CSMD3: variants seen among roughly 807,000 people sequenced by gnomAD.
CSMD3 encodes the protein CUB and Sushi multiple domains 3.
Under a neutral mutation model 435.2 loss-of-function variants are expected in CSMD3, and 177 were observed. That is an observed-to-expected ratio of 0.41 (90% confidence interval 0.36 to 0.46). The LOEUF is 0.46. Ranked by LOEUF, CSMD3 falls within the 20% of genes least tolerant of loss-of-function variation. CSMD3 has a pLI of 0.34. For synonymous variants in CSMD3, 1,656 were observed against 1,520.5 expected, an observed-to-expected ratio of 1.09 and a Z score of -2.07; for missense variants, 4,265 against 4,504.6, an observed-to-expected ratio of 0.95 and a Z score of 1.52.
At chr8:113,140,037 T>C (rs2091510740) in intron 4 of CSMD3, among the ~76,000 whole-genome samples, 1 of 151,116 alleles carries the variant, frequency 6.6e-6, no homozygotes, top group South Asian at 2.1e-4. Flanking sequence ...AGTGATTCCT[T>C]GACCAAAGAC....
chr8:113,221,466 AT>A (rs200226607), intron 3 of CSMD3, among the ~76,000 whole-genome samples: 2,024 of 151,100 alleles, frequency 0.013, 54 homozygotes, highest in African/African-American at 0.047. Context: ...CTACATGGTT[AT>A]TTTTTTCATG....
chr8:112,231,085 C>A lies in CSMD3; in HGVS notation c.10828+460G>T, dbSNP rs547917115. Among the ~76,000 whole-genome samples the A allele has an allele frequency of 1.3e-3, 191 of 152,274 alleles. 1 individual carries two copies. The highest frequency in any genetic ancestry group is 4.3e-3 in the African/African-American group (177 of 41,566). ...ACATATTTGAAGAGAACCAAGTCCC[C>A]AAAAGGGGCCCATTCCTCAAAGTTA... On this transcript the variant is annotated intron_variant, in intron 69 of 70. Coordinates refer to ENST00000297405, the MANE Select transcript of CSMD3 (RefSeq NM_198123.2).
At position 112,450,401 on chromosome 8, in the gene CSMD3, A is replaced by T. The variant is rs114612983; in HGVS notation, c.5395+22190T>A. On this transcript the variant is annotated intron_variant, in intron 32 of 70. Transcript: ENST00000297405. ...GAAAATAGGGGTTTTAAAAATCTTC[A>T]GATGTTAGTTTTCTAAGAAGACTTT... 8.1e-3 allele frequency among the ~76,000 whole-genome samples: 1,238 copies of T among 152,336 alleles called. 16 individuals are homozygous for T. The highest frequency in any genetic ancestry group is 0.028 in the African/African-American group (1,154 of 41,574).
At chr8:112,957,259 T>C (rs1411915957) in intron 7 of CSMD3, among the ~76,000 whole-genome samples, 2 of 152,248 alleles carry the variant, frequency 1.3e-5, no homozygotes, top group Middle Eastern at 3.4e-3. Flanking sequence ...CTTAGAAAAT[T>C]AACCTGATTT....
chr8:112,288,850 T>C (rs1003144615), intron 57 of CSMD3, among the ~76,000 whole-genome samples: 1 of 152,118 alleles, frequency 6.6e-6, no homozygotes, highest in African/African-American at 2.4e-5. Context: ...AATATTAGGA[T>C]AGATAAATAT....
chr8:112,458,215 C>CACACACACACACACACACACACACA (rs1554579456), intron 32 of CSMD3, among the ~76,000 whole-genome samples: 1 of 150,690 alleles, frequency 6.6e-6, no homozygotes, highest in Non-Finnish European at 1.5e-5. Flanking sequence ...ACACTCACAC[C>CACACACACACACACACACACACACA]CACACACACA....
intron 13 of CSMD3, among the ~76,000 whole-genome samples, chr8:112,778,274 T>G (rs2078294907): frequency 6.6e-6 from 1 of 151,892 alleles, no homozygotes; most frequent in Non-Finnish European, 1.5e-5. Flanking sequence ...TTGTATATTC[T>G]GTGGGTTTTG....
chr8:113,354,962 C>A (rs1042889125), intron 1 of CSMD3, among the ~76,000 whole-genome samples: 8 of 152,036 alleles, frequency 5.3e-5, no homozygotes, highest in African/African-American at 1.9e-4. Flanking sequence ...GTTGATAGTC[C>A]CCATTTTACT....
intron 10 of CSMD3, among the ~76,000 whole-genome samples, chr8:112,884,523 C>A (rs1195333036): frequency 6.6e-6 from 1 of 151,726 alleles, no homozygotes; most frequent in East Asian, 2.0e-4. Context: ...ACATTCCTGT[C>A]TTCTACCCAC....
chr8:113,172,374 T>C (rs1263552471), intron 4 of CSMD3, among the ~76,000 whole-genome samples: 3 of 152,180 alleles, frequency 2.0e-5, no homozygotes, highest in Non-Finnish European at 4.4e-5. Flanking sequence ...TGACAGCTAA[T>C]AGCAGTTATT....
intron 28 of CSMD3, among the ~76,000 whole-genome samples, chr8:112,516,026 G>A (rs1823637688): frequency 6.6e-6 from 1 of 151,968 alleles, no homozygotes; most frequent in African/African-American, 2.4e-5. Context: ...AAATAAATCT[G>A]AATAATTGAT....
At chr8:113,270,167 C>A (rs1169931378) in intron 3 of CSMD3, among the ~76,000 whole-genome samples, 1 of 152,120 alleles carries the variant, frequency 6.6e-6, no homozygotes, top group Non-Finnish European at 1.5e-5. Context: ...ACAGACACTT[C>A]TCAAAAGAAG....
intron 17 of CSMD3, among the ~76,000 whole-genome samples, chr8:112,660,909 TG>T (rs1429194863): frequency 1.3e-5 from 2 of 152,108 alleles, no homozygotes; most frequent in African/African-American, 4.8e-5. Context: ...TTGATTTGAG[TG>T]GGTAATTTCA....
chr8:112,517,314 A>G, intron 27 of CSMD3, 89 bp from the exon 28 acceptor site: 1 of 910,928 alleles, frequency 1.1e-6, no homozygotes, highest in Admixed American at 2.4e-5. Flanking sequence ...TAATTTTTAA[A>G]ATTTTGGGGT....
intron 3 of CSMD3, among the ~76,000 whole-genome samples, chr8:113,217,729 G>A (rs993023540): frequency 2.0e-5 from 3 of 151,192 alleles, no homozygotes; most frequent in Non-Finnish European, 4.4e-5. Flanking sequence ...AATATCAAGA[G>A]GTCTAATACA....
At chr8:112,240,157 G>A (rs1200830449) in intron 66 of CSMD3, among the ~76,000 whole-genome samples, 2 of 151,838 alleles carry the variant, frequency 1.3e-5, no homozygotes, top group East Asian at 1.9e-4. Context: ...CAAACATACA[G>A]GAATGTTTTA....
At chr8:113,322,400 G>A (rs1588513357) in intron 1 of CSMD3, among the ~76,000 whole-genome samples, 2 of 152,210 alleles carry the variant, frequency 1.3e-5, no homozygotes. Context: ...AAATCACCCA[G>A]AGCCATTTAT....
chr8:113,267,187 T>C (rs537099297), intron 3 of CSMD3, among the ~76,000 whole-genome samples: 2 of 151,800 alleles, frequency 1.3e-5, no homozygotes, highest in South Asian at 4.1e-4. Flanking sequence ...GAAAACAGTA[T>C]GGAGCTTTCT....
chr8:113,115,027 A>G (rs2090779653), intron 4 of CSMD3, among the ~76,000 whole-genome samples: 1 of 152,196 alleles, frequency 6.6e-6, no homozygotes, highest in African/African-American at 2.4e-5. Flanking sequence ...CCTTCCCTGT[A>G]CCTACAGAAT....
Sources: allele counts gnomAD v4.1 joint callset (sites outside exome capture counted in the v4.1 genomes callset), GRCh38; gene constraint gnomAD v4.1.1; transcripts MANE v1.5; gene names NCBI Gene and HGNC (gene_info 2026-07-23, HGNC 2026-07-21).